Variants in EFCAB5 observed in about 807,000 individuals in gnomAD.
The protein encoded by EFCAB5 is EF-hand calcium-binding domain-containing protein 5.
In EFCAB5, 131 loss-of-function variants were observed where a neutral mutation model predicts 167.9. The observed-to-expected ratio is 0.78, with a 90% CI of 0.68 to 0.90. EFCAB5 has a LOEUF of 0.90. EFCAB5 is among the 40% of genes least tolerant of loss of function. The pLI is 0.00. For missense variants in EFCAB5, 1,663 were observed against 1,745.2 expected, an observed-to-expected ratio of 0.95 and a Z score of 0.84; for synonymous variants, 574 against 602.8, an observed-to-expected ratio of 0.95 and a Z score of 0.70.
intron 3 of EFCAB5, among the ~76,000 whole-genome samples, chr17:29,959,334 T>C (rs1464929018): frequency 6.6e-6 from 1 of 152,158 alleles, no homozygotes; most frequent in Admixed American, 6.5e-5. Flanking sequence ...TTCATTTTAC[T>C]GTAGCTTAGC....
chr17:30,059,338 G>A (rs1308881320), intron 13 of EFCAB5: 6 of 384,060 alleles, frequency 1.6e-5, no homozygotes, highest in East Asian at 8.4e-5. Context: ...GGCCTCAAGC[G>A]ATACTCCTGC....
intron 22 of EFCAB5, among the ~76,000 whole-genome samples, chr17:30,095,028 C>G (rs1368295198): frequency 6.6e-6 from 1 of 152,172 alleles, no homozygotes; most frequent in Non-Finnish European, 1.5e-5. Context: ...TCTCCCCACT[C>G]CACTTGGGAC....
chr17:29,975,472 G>A (rs986980474), intron 4 of EFCAB5, among the ~76,000 whole-genome samples: 2 of 152,182 alleles, frequency 1.3e-5, no homozygotes, highest in African/African-American at 4.8e-5. Flanking sequence ...GGCCAGGCTG[G>A]TCTCGAACTC....
intron 7 of EFCAB5, among the ~76,000 whole-genome samples, chr17:30,032,226 A>T (rs934105981): frequency 6.6e-6 from 1 of 152,196 alleles, no homozygotes; most frequent in South Asian, 2.1e-4. Flanking sequence ...CAAGGGCTTC[A>T]GGAAGAGACT....
chr17:30,091,585 G>A (rs972983699), intron 20 of EFCAB5, among the ~76,000 whole-genome samples: 2 of 152,138 alleles, frequency 1.3e-5, no homozygotes, highest in African/African-American at 4.8e-5. Context: ...AGAGACAATA[G>A]ACTAATAAGG....
At position 30,060,107 on chromosome 17, in the gene EFCAB5, A is replaced by T. The variant is rs541581538; in HGVS notation, c.2737+406A>T. 2.4e-4 allele frequency among the ~76,000 whole-genome samples: 37 copies of T among 152,328 alleles called. 1 individual carries two copies. Among genetic ancestry groups the T allele is most frequent in the African/African-American group, 8.9e-4 (37 of 41,566 alleles). Reference sequence around the variant, plus strand: ...ATATGTTGCAGAATGCTTTGTCCAAAATCTTAAATCTATATAGTTAGATTC... The same window carrying T: ...ATATGTTGCAGAATGCTTTGTCCAATATCTTAAATCTATATAGTTAGATTC... On this transcript the variant is annotated intron_variant, in intron 14 of 22. Coordinates refer to ENST00000394835, the MANE Select transcript of EFCAB5 (RefSeq NM_198529.4).
At chr17:30,051,564 A>C (rs2070097705) in intron 9 of EFCAB5, among the ~76,000 whole-genome samples, 1 of 152,152 alleles carries the variant, frequency 6.6e-6, no homozygotes, top group Admixed American at 6.5e-5. Context: ...CATTTTATTA[A>C]CAAAAAAATT....
At chr17:29,981,696 CTGTTTT>C (rs1311919937) in intron 4 of EFCAB5, among the ~76,000 whole-genome samples, 1 of 152,112 alleles carries the variant, frequency 6.6e-6, no homozygotes. Flanking sequence ...AAGTTTTCTT[CTGTTTT>C]TATTTTATTT....
chr17:30,087,808 C>T (rs999413547), intron 19 of EFCAB5, among the ~76,000 whole-genome samples: 58 of 152,102 alleles, frequency 3.8e-4, no homozygotes, highest in African/African-American at 1.2e-3. Context: ...GGTATATACC[C>T]GCTAATGGGA....
intron 21 of EFCAB5, among the ~76,000 whole-genome samples, chr17:30,092,466 C>T (rs1272282065): frequency 6.6e-6 from 1 of 152,132 alleles, no homozygotes; most frequent in Non-Finnish European, 1.5e-5. Flanking sequence ...CGGCTCACTG[C>T]AACCTCCACC....
intron 19 of EFCAB5, among the ~76,000 whole-genome samples, chr17:30,089,500 A>G (rs2071153718): frequency 6.6e-6 from 1 of 152,176 alleles, no homozygotes; most frequent in Non-Finnish European, 1.5e-5. Flanking sequence ...GGAAAGGGAA[A>G]AGAAAGAAAA....
chr17:30,091,490 C>T (rs907041692), intron 20 of EFCAB5, among the ~76,000 whole-genome samples: 12 of 152,184 alleles, frequency 7.9e-5, no homozygotes, highest in Admixed American at 3.9e-4. Context: ...AGCACTTTTA[C>T]ATATATCATC....
In EFCAB5 at chr17:30,022,396, T is replaced by A. The variant is rs181749078; in HGVS notation, c.1045-11834T>A. Among the ~76,000 whole-genome samples, 146 of 152,092 alleles carry A rather than the reference T, an allele frequency of 9.6e-4. 2 individuals carry two copies. In the Middle Eastern group the frequency reaches 0.01, roughly 11 times the overall value. ...GGAGAGGATCAAAATATTAGTAAATTAAGGACACATGCAGGCACGCACACA... is the reference window on the plus strand; with the variant it reads ...GGAGAGGATCAAAATATTAGTAAATAAAGGACACATGCAGGCACGCACACA... On this transcript the variant is annotated intron_variant, in intron 7 of 22. Coordinates refer to ENST00000394835, the MANE Select transcript of EFCAB5 (RefSeq NM_198529.4).
intron 4 of EFCAB5, among the ~76,000 whole-genome samples, chr17:29,980,337 A>G (rs2068148660): frequency 6.6e-6 from 1 of 152,224 alleles, no homozygotes. Context: ...AGGAAATATA[A>G]CTAAAACAGC....
rs1597556241 is a variant in EFCAB5, at chr17:30,087,124, A to G, written c.3641A>G (p.His1214Arg). The part of the protein sequence containing the change: ...VTGQLGLTEI[H>R]KNPPTIHRKS... ...GGGCAGCTGGGTCTAACAGAAATCC[A>G]CAAAAATCCTCCTACCATCCACAGG... Residue 1214 changes from histidine (H) to arginine (R), a missense_variant, in exon 19 of 23, where the codon CAC (histidine) becomes CGC (arginine). Transcript: ENST00000394835. 6.2e-7 allele frequency: 1 copy of G among 1,613,732 alleles called. No homozygotes were observed.
rs192651335 is a variant in EFCAB5 at position 30,078,305 on chromosome 17, T to G, written c.2828T>G (p.Val943Gly). The G allele has an allele frequency of 2.4e-5, 39 of 1,614,034 alleles. No individual in the cohort carries two copies. Among genetic ancestry groups the G allele is most frequent in the Non-Finnish European group, 8.5e-7 (1 of 1,179,886 alleles). ...TTTCAGAATTACATAGAATTGGTTG[T>G]GTCTGAACTCAGGGGCAATGAAGAC... ...KQFQNYIELV[V>G]SELRGNEDQV... is the part of the protein sequence containing the mutation. Residue 943 changes from valine to glycine, a missense_variant, in exon 15 of 23, where the codon GTG becomes GGG. By Grantham distance (109) the Val-to-Gly change is moderately radical (BLOSUM62 -3). Coordinates refer to ENST00000394835, the MANE Select transcript of EFCAB5 (RefSeq NM_198529.4).
chr17:29,998,835 C>A (rs183788488), intron 6 of EFCAB5, among the ~76,000 whole-genome samples: 2 of 152,196 alleles, frequency 1.3e-5, no homozygotes, highest in South Asian at 2.1e-4. Context: ...AGCTTTCATA[C>A]AATTTATGTA....
At chr17:29,930,014 G>C in intron 1 of EFCAB5, 1 of 1,591,318 alleles carries the variant, frequency 6.3e-7, no homozygotes, top group Non-Finnish European at 8.6e-7. Context: ...GGCGCTGCTG[G>C]GTTGTTCCGG....
At chr17:30,085,564 C>CA (rs1267342512) in intron 18 of EFCAB5, among the ~76,000 whole-genome samples, 4 of 151,662 alleles carry the variant, frequency 2.6e-5, no homozygotes, top group African/African-American at 4.8e-5. Context: ...ACTAAAAATA[C>CA]AAAAAAATTA....
Sources: gnomAD v4.1 joint callset for allele counts (sites outside exome capture counted in the v4.1 genomes callset) on GRCh38, gnomAD v4.1.1 for gene constraint, MANE v1.5 for transcripts, NCBI Gene and HGNC (gene_info 2026-07-23, HGNC 2026-07-21) for gene names.